The following ARHGAP6 variants were observed in gnomAD, a reference collection of about 807,000 sequenced individuals.
ARHGAP6 encodes the protein Rho GTPase activating protein 6.
In ARHGAP6, 16 loss-of-function variants were observed where a neutral mutation model predicts 55.7. The observed-to-expected ratio is 0.29, with a 90% CI of 0.19 to 0.44. The LOEUF (loss-of-function observed/expected upper bound fraction) is 0.44. ARHGAP6 is among the 20% of genes least tolerant of loss of function. The pLI is 1.00. For synonymous variants in ARHGAP6, 382 were observed against 360.9 expected (o/e 1.06, Z -0.66); for missense variants, 698 against 808.9 (o/e 0.86, Z 1.66).
At chrX:11,401,139 T>G (rs1192586787) in intron 1 of ARHGAP6, among the ~76,000 whole-genome samples, 1 of 111,900 alleles carries the variant, frequency 8.9e-6, no homozygotes. Context: ...GAAATATAGC[T>G]TTGTGTGACA....
chrX:11,368,955 A>T (rs898350376), intron 1 of ARHGAP6, among the ~76,000 whole-genome samples: 1 of 111,887 alleles, frequency 8.9e-6, no homozygotes, highest in African/African-American at 3.2e-5. Flanking sequence ...TTAGGTGCCC[A>T]TATGTCCCAG....
chrX:11,361,400 G>A (rs2147693512), intron 1 of ARHGAP6, among the ~76,000 whole-genome samples: 1 of 111,261 alleles, frequency 9.0e-6, no homozygotes, highest in East Asian at 2.8e-4. Flanking sequence ...ACAAGCAATG[G>A]GGAAAGGAGT....
intron 1 of ARHGAP6, among the ~76,000 whole-genome samples, chrX:11,432,940 G>A (rs779467984): frequency 1.3e-4 from 15 of 112,681 alleles, no homozygotes; most frequent in Non-Finnish European, 2.8e-4. Context: ...TGCCATTTCA[G>A]GAATTATCAT....
rs750796326 is a variant in ARHGAP6, at chrX:11,188,767, G to A, written c.1038C>T (p.Ser346=). ...STSETPNEST[S]PNTPEPAPRA... is the part of the protein sequence containing the mutation. ...GAGGAGCCGGTTCCGGGGTGTTTGG[G>A]GACGTTGACTCATTCGGTGTTTCTG... Residue 346 remains serine (S), a synonymous_variant, in exon 4 of 13, where the codon TCC becomes TCT. Coordinates refer to ENST00000337414, the MANE Select transcript of ARHGAP6 (RefSeq NM_013427.3). The A allele has an allele frequency of 3.3e-6, 4 of 1,211,934 alleles. No homozygotes were observed. Among genetic ancestry groups the A allele is most frequent in the Non-Finnish European group, 3.4e-6 (3 of 895,513 alleles).
intron 1 of ARHGAP6, among the ~76,000 whole-genome samples, chrX:11,416,921 G>A (rs1313102533): frequency 3.7e-5 from 4 of 106,878 alleles, no homozygotes; most frequent in African/African-American, 1.0e-4. Context: ...CCGCATTTAC[G>A]CAGGAGATAA....
chrX:11,617,219 TAAATA>T (rs1425146299), intron 1 of ARHGAP6, among the ~76,000 whole-genome samples: 2 of 112,367 alleles, frequency 1.8e-5, no homozygotes, highest in Non-Finnish European at 3.8e-5. Context: ...TCTACTGAAT[TAAATA>T]AAATATATAA....
chrX:11,645,014 A>G (rs1236313263), intron 1 of ARHGAP6, among the ~76,000 whole-genome samples: 2 of 112,359 alleles, frequency 1.8e-5, no homozygotes, highest in Non-Finnish European at 1.9e-5. Context: ...ATAAAAAAGA[A>G]CAAACTATTG....
chrX:11,293,325 T>C (rs1172842625), intron 1 of ARHGAP6: 1 of 112,036 alleles, frequency 8.9e-6, no homozygotes, highest in Non-Finnish European at 1.9e-5. Context: ...TTTTTAGTTA[T>C]ACTCAACACA....
At position 11,621,317 on chromosome X, in the gene ARHGAP6, G is replaced by A. The variant is rs753204461; in HGVS notation, c.588+42924C>T. 8.9e-5 allele frequency among the ~76,000 whole-genome samples: 10 copies of A among 112,017 alleles called. No homozygotes were observed. In the South Asian group the frequency reaches 3.7e-3, roughly 41 times the overall value. On this transcript the variant is annotated intron_variant, in intron 1 of 12. Transcript: ENST00000337414. ...ATCCAGAATATGAGTTTACTGTGGT[G>A]AAATTAATTTTATAAAATAGCTTGA...
At chrX:11,400,350 C>A (rs1156573016) in intron 1 of ARHGAP6, among the ~76,000 whole-genome samples, 1 of 109,659 alleles carries the variant, frequency 9.1e-6, no homozygotes, top group East Asian at 2.8e-4. Flanking sequence ...TGAGCTAGGT[C>A]TTCAGGGATG....
At chrX:11,644,456 A>G (rs982809116) in intron 1 of ARHGAP6, among the ~76,000 whole-genome samples, 7 of 111,126 alleles carry the variant, frequency 6.3e-5, no homozygotes, top group African/African-American at 2.3e-4. Context: ...GTTCTTACCT[A>G]GAGAAATCTA....
intron 2 of ARHGAP6, among the ~76,000 whole-genome samples, chrX:11,211,359 C>G (rs1244530896): frequency 1.9e-5 from 2 of 106,523 alleles, no homozygotes; most frequent in Admixed American, 2.0e-4. Flanking sequence ...GTAGCTGTGA[C>G]TACAGGCGCC....
intron 1 of ARHGAP6, among the ~76,000 whole-genome samples, chrX:11,583,731 C>T (rs973707441): frequency 9.0e-6 from 1 of 110,868 alleles, no homozygotes; most frequent in Non-Finnish European, 1.9e-5. Flanking sequence ...TTTAGGAAAA[C>T]TATTAACAGA....
At chrX:11,650,202 A>G (rs954619477) in intron 1 of ARHGAP6, among the ~76,000 whole-genome samples, 9 of 110,265 alleles carry the variant, frequency 8.2e-5, no homozygotes, top group Non-Finnish European at 1.5e-4. Flanking sequence ...TCACTATGTT[A>G]CCCAGGCTGG....
intron 1 of ARHGAP6, among the ~76,000 whole-genome samples, chrX:11,614,102 C>T (rs1270911210): frequency 9.0e-6 from 1 of 110,513 alleles, no homozygotes; most frequent in Non-Finnish European, 1.9e-5. Flanking sequence ...TTTCCACGGC[C>T]CACCTAGCCA....
At chrX:11,351,385 C>CA in intron 1 of ARHGAP6, 5 of 969,500 alleles carry the variant, frequency 5.2e-6, no homozygotes, top group Non-Finnish European at 6.6e-6. Flanking sequence ...ACCCAACTTA[C>CA]AAATATCCTG....
chrX:11,540,904 G>C (rs372191007), intron 1 of ARHGAP6, among the ~76,000 whole-genome samples: 1 of 112,481 alleles, frequency 8.9e-6, no homozygotes. Flanking sequence ...CCAAACAGCT[G>C]CTGTGCACCA....
chrX:11,488,168 C>G (rs766316214), intron 1 of ARHGAP6, among the ~76,000 whole-genome samples: 8 of 111,751 alleles, frequency 7.2e-5, no homozygotes, highest in Non-Finnish European at 1.9e-5. Flanking sequence ...AACTTATGAT[C>G]CTGGACTAGA....
chrX:11,386,442 A>G (rs560648965), intron 1 of ARHGAP6, among the ~76,000 whole-genome samples: 47 of 111,576 alleles, frequency 4.2e-4, no homozygotes, highest in African/African-American at 1.5e-3. Flanking sequence ...ACAGGGCTGG[A>G]AGGCAGGTGA....
Sources: gnomAD v4.1 joint callset for allele counts (sites outside exome capture counted in the v4.1 genomes callset) on GRCh38, gnomAD v4.1.1 for gene constraint, MANE v1.5 for transcripts, NCBI Gene and HGNC (gene_info 2026-07-23, HGNC 2026-07-21) for gene names.